PCDH15: variants seen among roughly 807,000 people sequenced by gnomAD.
The protein encoded by PCDH15 is protocadherin-15.
PCDH15 carries 129 observed loss-of-function variants against 178.5 expected under a neutral mutation model. The observed-to-expected ratio is 0.72, with a 90% CI of 0.63 to 0.84. The LOEUF (loss-of-function observed/expected upper bound fraction) is 0.84, where lower values mean the gene tolerates loss of function less well. Among genes scored for constraint, PCDH15 ranks in the 40% least tolerant of loss-of-function variants. The pLI, the probability that PCDH15 is intolerant of heterozygous loss-of-function variation, is 0.00. For missense variants in PCDH15, 2,230 were observed against 2,099.9 expected (o/e 1.06, Z -1.21); for synonymous variants, 800 against 732.0 (o/e 1.09, Z -1.50).
At chr10:54,792,438 A>ATACT (rs577653031) in intron 1 of PCDH15, among the ~76,000 whole-genome samples, 54 of 152,078 alleles carry the variant, frequency 3.6e-4, no homozygotes, top group Non-Finnish European at 6.2e-4. Flanking sequence ...AGATACCCGA[A>ATACT]TACTTGGTTA....
At chr10:54,956,643 T>C (rs1838495555) in intron 2 of PCDH15, among the ~76,000 whole-genome samples, 1 of 151,540 alleles carries the variant, frequency 6.6e-6, no homozygotes, top group African/African-American at 2.4e-5. Context: ...ATCTAAGAGA[T>C]GGAATTATTG....
chr10:54,123,832 G>A (rs1229963847), intron 15 of PCDH15, among the ~76,000 whole-genome samples: 1 of 152,132 alleles, frequency 6.6e-6, no homozygotes, highest in Non-Finnish European at 1.5e-5. Context: ...CCTAAAAAAG[G>A]AAATTGTGTC....
At chr10:53,859,479 C>A (rs574323533) in intron 27 of PCDH15, among the ~76,000 whole-genome samples, 47 of 152,210 alleles carry the variant, frequency 3.1e-4, no homozygotes, top group Non-Finnish European at 4.9e-4. Context: ...TGTCTGTCTC[C>A]TGGTCTGGTA....
chr10:54,124,580 G>GA (rs981126388), intron 15 of PCDH15, among the ~76,000 whole-genome samples: 7 of 152,156 alleles, frequency 4.6e-5, no homozygotes, highest in Non-Finnish European at 1.0e-4. Flanking sequence ...TAATGAATCT[G>GA]AAAAAAATAA....
chr10:54,434,980 G>A (rs2075286334), intron 3 of PCDH15, among the ~76,000 whole-genome samples: 1 of 152,076 alleles, frequency 6.6e-6, no homozygotes, highest in Non-Finnish European at 1.5e-5. Flanking sequence ...TTCAATAAGA[G>A]CATTGAAACT....
intron 2 of PCDH15, among the ~76,000 whole-genome samples, chr10:55,024,145 G>C (rs944488214): frequency 1.4e-5 from 2 of 143,120 alleles, no homozygotes; most frequent in Non-Finnish European, 3.0e-5. Context: ...ATATAGGAAG[G>C]AATATATATA....
intron 2 of PCDH15, among the ~76,000 whole-genome samples, chr10:55,423,714 T>C (rs928621280): frequency 6.6e-6 from 1 of 151,994 alleles, no homozygotes; most frequent in Non-Finnish European, 1.5e-5. Flanking sequence ...AAAATCTAAA[T>C]ACGCAACATA....
chr10:53,965,711 C>T (rs2088941420), intron 21 of PCDH15, among the ~76,000 whole-genome samples: 1 of 152,156 alleles, frequency 6.6e-6, no homozygotes. Context: ...AATTATAGCA[C>T]CAACTGCTTC....
chr10:54,998,931 G>A (rs1207820230), intron 2 of PCDH15, among the ~76,000 whole-genome samples: 2 of 152,060 alleles, frequency 1.3e-5, no homozygotes, highest in East Asian at 1.9e-4. Context: ...TGTAGCCTCC[G>A]ATGTAAACTG....
At chr10:54,519,310 A>G (rs983580154) in intron 3 of PCDH15, among the ~76,000 whole-genome samples, 3 of 151,990 alleles carry the variant, frequency 2.0e-5, no homozygotes, top group African/African-American at 7.3e-5. Context: ...TATTTAGAAA[A>G]CCCCATTGTC....
intron 1 of PCDH15, among the ~76,000 whole-genome samples, chr10:54,721,865 T>C (rs1242192105): frequency 6.6e-6 from 1 of 151,870 alleles, no homozygotes; most frequent in Non-Finnish European, 1.5e-5. Flanking sequence ...CTTCTCTCTT[T>C]TAACAAAAGT....
intron 3 of PCDH15, among the ~76,000 whole-genome samples, chr10:54,450,337 C>T (rs1290800349): frequency 2.0e-5 from 3 of 151,002 alleles, no homozygotes; most frequent in East Asian, 1.9e-4. Flanking sequence ...AAGATTGGAC[C>T]AACTAATGAA....
chr10:53,817,483 T>C (rs1349462648), intron 34 of PCDH15, among the ~76,000 whole-genome samples: 1 of 149,626 alleles, frequency 6.7e-6, no homozygotes, highest in Non-Finnish European at 1.5e-5. Flanking sequence ...TAAGTAGTCC[T>C]ATATATATAT....
intron 17 of PCDH15, among the ~76,000 whole-genome samples, chr10:54,076,554 C>A (rs1222028171): frequency 2.6e-5 from 4 of 151,802 alleles, no homozygotes; most frequent in Non-Finnish European, 5.9e-5. Flanking sequence ...AAAGTAGACA[C>A]CCTTGTTCTG....
chr10:54,139,452 T>G (rs1386793997), intron 14 of PCDH15, among the ~76,000 whole-genome samples: 1 of 152,190 alleles, frequency 6.6e-6, no homozygotes, highest in African/African-American at 2.4e-5. Context: ...TTTTGTGTAA[T>G]ATAAAATTTT....
intron 2 of PCDH15, among the ~76,000 whole-genome samples, chr10:54,656,832 G>A (rs117915150): frequency 7.5e-4 from 114 of 152,266 alleles, no homozygotes; most frequent in South Asian, 3.1e-3. Flanking sequence ...ACCGGCAGCC[G>A]GGAATGGATA....
At chr10:54,824,936 A>G (rs2133744571) in intron 3 of PCDH15, among the ~76,000 whole-genome samples, 1 of 152,146 alleles carries the variant, frequency 6.6e-6, no homozygotes, top group African/African-American at 2.4e-5. Context: ...GGTTAGTTAC[A>G]TATGTATACA....
intron 23 of PCDH15, among the ~76,000 whole-genome samples, chr10:53,949,584 A>C (rs2086848587): frequency 6.6e-6 from 1 of 152,184 alleles, no homozygotes; most frequent in African/African-American, 2.4e-5. Context: ...TAATTAAAAA[A>C]AAAATTAGCT....
intron 3 of PCDH15, among the ~76,000 whole-genome samples, chr10:54,492,446 GCTGTCCGTA>G (rs946185117): frequency 1.3e-5 from 2 of 152,092 alleles, no homozygotes; most frequent in Non-Finnish European, 2.9e-5. Context: ...ACTGTCTTTG[GCTGTCCGTA>G]ATTTATTATG....
Sources: gnomAD v4.1 joint callset for allele counts (sites outside exome capture counted in the v4.1 genomes callset) on GRCh38, gnomAD v4.1.1 for gene constraint, MANE v1.5 for transcripts, NCBI Gene and HGNC (gene_info 2026-07-23, HGNC 2026-07-21) for gene names.